SHISA9: variants seen among roughly 807,000 people sequenced by gnomAD.
SHISA9 encodes the protein protein shisa-9.
Under a neutral mutation model 38.0 loss-of-function variants are expected in SHISA9, and 13 were observed. The ratio of observed to expected loss-of-function variants is 0.34; its 90% CI spans 0.22 to 0.54. SHISA9 has a LOEUF of 0.54. Among genes scored for constraint, SHISA9 ranks in the 20% least tolerant of loss-of-function variants. The pLI is 0.91. For missense variants in SHISA9, 538 were observed against 575.8 expected (o/e 0.93, Z 0.67); for synonymous variants, 275 against 242.0 (o/e 1.14, Z -1.27).
At chr16:13,526,241 T>C in the SHISA9 span, among the ~76,000 whole-genome samples, 3 of 152,206 alleles carry the variant, frequency 2.0e-5, no homozygotes, top group African/African-American at 7.2e-5. Context: ...TCAATGACTT[T>C]AGCACAATAC....
intron 2 of SHISA9, among the ~76,000 whole-genome samples, chr16:13,195,293 C>A (rs2050926615): frequency 6.6e-6 from 1 of 152,068 alleles, no homozygotes; most frequent in African/African-American, 2.4e-5. Flanking sequence ...GGGAATCTGT[C>A]AAAGGAGACA....
the SHISA9 span, among the ~76,000 whole-genome samples, chr16:13,475,783 T>C: frequency 2.6e-5 from 4 of 152,152 alleles, no homozygotes; most frequent in Non-Finnish European, 5.9e-5. Flanking sequence ...AACTAGACAG[T>C]CCCATATGGT....
the SHISA9 span, among the ~76,000 whole-genome samples, chr16:13,327,128 A>G: frequency 0.71 from 107,665 of 152,048 alleles, 38,921 homozygotes; most frequent in African/African-American, 0.85. Context: ...TGATTACTCT[A>G]TGTGAAAGAC....
At chr16:12,939,820 C>G (rs868612612) in intron 2 of SHISA9, among the ~76,000 whole-genome samples, 1 of 152,178 alleles carries the variant, frequency 6.6e-6, no homozygotes, top group African/African-American at 2.4e-5. Context: ...TCTGCAAGTG[C>G]TTGTTAATGT....
At chr16:13,107,249 T>C (rs2073934571) in intron 2 of SHISA9, among the ~76,000 whole-genome samples, 1 of 151,960 alleles carries the variant, frequency 6.6e-6, no homozygotes, top group East Asian at 1.9e-4. Flanking sequence ...CTGGCCAACA[T>C]GGTGAAATCC....
chr16:13,284,070 A>G, the SHISA9 span, among the ~76,000 whole-genome samples: 2 of 152,152 alleles, frequency 1.3e-5, no homozygotes, highest in African/African-American at 4.8e-5. Flanking sequence ...GAATTCATTT[A>G]TTAAACAGAT....
At chr16:13,262,654 A>AAGGAAGGAAGGGAGGGAGGG in the SHISA9 span, among the ~76,000 whole-genome samples, 53 of 47,748 alleles carry the variant, frequency 1.1e-3, no homozygotes, top group East Asian at 0.016. Context: ...GGAAGGAAGG[A>AAGGAAGGAAGGGAGGGAGGG]AGGAAGGAAG....
chr16:13,039,063 C>T (rs1337178322), intron 2 of SHISA9, among the ~76,000 whole-genome samples: 2 of 152,106 alleles, frequency 1.3e-5, no homozygotes, highest in Admixed American at 1.3e-4. Flanking sequence ...TGTGCACCAC[C>T]ATCCCTGGCT....
chr16:13,147,687 T>A (rs1156786821), intron 2 of SHISA9, among the ~76,000 whole-genome samples: 1 of 152,152 alleles, frequency 6.6e-6, no homozygotes, highest in Non-Finnish European at 1.5e-5. Flanking sequence ...GGTCTCGAAC[T>A]CTGACCTCAG....
chr16:13,103,732 G>C (rs2073900668), intron 2 of SHISA9, among the ~76,000 whole-genome samples: 1 of 152,214 alleles, frequency 6.6e-6, no homozygotes, highest in Non-Finnish European at 1.5e-5. Flanking sequence ...GCTTTCAGCT[G>C]ACTGCATTCA....
At chr16:12,965,953 C>T (rs2071972647) in intron 2 of SHISA9, among the ~76,000 whole-genome samples, 1 of 152,214 alleles carries the variant, frequency 6.6e-6, no homozygotes, top group East Asian at 1.9e-4. Context: ...TAACCTCATA[C>T]TTCACTGCAT....
chr16:13,458,921 G>A, the SHISA9 span, among the ~76,000 whole-genome samples: 2 of 151,706 alleles, frequency 1.3e-5, no homozygotes, highest in Non-Finnish European at 1.5e-5. Flanking sequence ...AGGCTGGAGT[G>A]CAATGGCGTG....
the SHISA9 span, among the ~76,000 whole-genome samples, chr16:13,313,069 A>C: frequency 6.6e-6 from 1 of 150,998 alleles, no homozygotes; most frequent in Non-Finnish European, 1.5e-5. Context: ...TCCCGGCTAA[A>C]ACGGTGAAAC....
chr16:13,296,622 A>G, the SHISA9 span, among the ~76,000 whole-genome samples: 3 of 152,024 alleles, frequency 2.0e-5, no homozygotes, highest in Non-Finnish European at 2.9e-5. Context: ...CCCTTTTTAT[A>G]GATACAATAC....
At chr16:13,536,480 A>G in the SHISA9 span, among the ~76,000 whole-genome samples, 8 of 152,072 alleles carry the variant, frequency 5.3e-5, no homozygotes, top group Admixed American at 3.9e-4. Flanking sequence ...AACATTGTAG[A>G]CTCTCAGTAT....
intron 2 of SHISA9, among the ~76,000 whole-genome samples, chr16:12,988,264 C>A (rs1353088136): frequency 6.6e-6 from 1 of 152,188 alleles, no homozygotes; most frequent in East Asian, 1.9e-4. Context: ...TGGCTGTTGA[C>A]ACGTCAATAC....
chr16:13,323,962 T>A, the SHISA9 span, among the ~76,000 whole-genome samples: 1 of 152,184 alleles, frequency 6.6e-6, no homozygotes, highest in Non-Finnish European at 1.5e-5. Context: ...TCCTCATGAA[T>A]GACTTGAGGC....
intron 2 of SHISA9, among the ~76,000 whole-genome samples, chr16:13,195,558 ATGGCACACAG>A (rs1345235326): frequency 5.9e-5 from 9 of 152,320 alleles, no homozygotes; most frequent in Admixed American, 2.0e-4. Context: ...TACGGTGTGA[ATGGCACACAG>A]TGACTTCTTT....
At chr16:13,015,906 C>CTTTCTTTCT (rs1425113787) in intron 2 of SHISA9, among the ~76,000 whole-genome samples, 6 of 55,586 alleles carry the variant, frequency 1.1e-4, no homozygotes, top group South Asian at 5.9e-4. Context: ...TTCTTTCTTT[C>CTTTCTTTCT]TTTTCTTTCT....
Sources: allele counts gnomAD v4.1 joint callset (sites outside exome capture counted in the v4.1 genomes callset), GRCh38; gene constraint gnomAD v4.1.1; transcripts MANE v1.5; gene names NCBI Gene and HGNC (gene_info 2026-07-23, HGNC 2026-07-21).